SNX29: variants seen among roughly 807,000 people sequenced by gnomAD.
SNX29 encodes sorting nexin-29.
SNX29 carries 78 observed loss-of-function variants against 102.1 expected under a neutral mutation model. The observed-to-expected ratio is 0.76, with a 90% CI of 0.64 to 0.92. SNX29 has a LOEUF of 0.92. Among genes scored for constraint, SNX29 ranks in the 40% least tolerant of loss-of-function variants. The pLI is 0.00. For missense variants in SNX29, 1,280 were observed against 1,061.7 expected, an observed-to-expected ratio of 1.21 and a Z score of -2.86; for synonymous variants, 580 against 414.5, an observed-to-expected ratio of 1.40 and a Z score of -4.85.
intron 11 of SNX29, among the ~76,000 whole-genome samples, chr16:12,083,162 A>G (rs1261647374): frequency 6.6e-6 from 1 of 151,822 alleles, no homozygotes. Flanking sequence ...AAAAATTAGC[A>G]TGGTGTGGTG....
At chr16:12,543,612 G>GGCAGTGCC (rs2077445557) in intron 20 of SNX29, among the ~76,000 whole-genome samples, 1 of 151,984 alleles carries the variant, frequency 6.6e-6, no homozygotes, top group Non-Finnish European at 1.5e-5. Context: ...CGATGGAGTG[G>GGCAGTGCC]GCAGTGCCCC....
At chr16:12,261,097 G>C (rs9927118) in intron 14 of SNX29, among the ~76,000 whole-genome samples, 108,489 of 138,844 alleles carry the variant, frequency 0.78, 42,899 homozygotes, top group African/African-American at 0.93. Flanking sequence ...GTTTGCTGAG[G>C]TGGGATCTGT....
intron 17 of SNX29, among the ~76,000 whole-genome samples, 193 bp from the exon 18 acceptor site, chr16:12,403,230 GTGTGTGTGTGTGTGTGTGTGTGTGT>G (rs1567527877): frequency 6.7e-6 from 1 of 150,320 alleles, no homozygotes; most frequent in Non-Finnish European, 1.5e-5. Flanking sequence ...GTGTGTGTGT[GTGTGTGTGTGTGTGTGTGTGTGTGT>G]AGAGAGAGAC....
At chr16:12,429,304 C>T (rs12934884) in intron 18 of SNX29, among the ~76,000 whole-genome samples, 11,833 of 152,284 alleles carry the variant, frequency 0.078, 616 homozygotes, top group Non-Finnish European at 0.11. Context: ...ATTAATATCT[C>T]CTTGTAGTTA....
chr16:12,300,816 G>A (rs994344584), intron 15 of SNX29, among the ~76,000 whole-genome samples: 4 of 152,086 alleles, frequency 2.6e-5, no homozygotes, highest in African/African-American at 7.2e-5. Flanking sequence ...CATGTTGCAG[G>A]GTGTTTAGTG....
At chr16:12,155,674 C>G (rs7206824) in intron 13 of SNX29, among the ~76,000 whole-genome samples, 24,783 of 151,998 alleles carry the variant, frequency 0.16, 2,179 homozygotes, top group East Asian at 0.25. Flanking sequence ...GGTGGCATGC[C>G]GAGATGGAAA....
rs2057366779 is a variant in SNX29, at chr16:12,032,258, C to A, written c.247+4814C>A. Among the ~76,000 whole-genome samples the A allele has an allele frequency of 5.5e-5, 8 of 145,594 alleles. 1 individual carries two copies. In the South Asian group the frequency reaches 1.7e-3, roughly 31 times the overall value. ...CTCTGTTGCCCAGTTTGCTGGAGTA[C>A]AGTAAGTAGCGCTATCTCAGCTCAC... On this transcript the variant is annotated intron_variant, in intron 4 of 20. Transcript: ENST00000566228.
chr16:12,393,239 G>C (rs865949534), intron 16 of SNX29, among the ~76,000 whole-genome samples: 2 of 152,290 alleles, frequency 1.3e-5, no homozygotes, highest in South Asian at 4.2e-4. Flanking sequence ...GTAATTAGAA[G>C]AAAGAAATAA....
intron 16 of SNX29, among the ~76,000 whole-genome samples, chr16:12,379,297 T>G (rs1290858685): frequency 1.3e-5 from 2 of 152,190 alleles, no homozygotes; most frequent in Admixed American, 6.5e-5. Flanking sequence ...ATTAAAAATT[T>G]TTTTGTAGAG....
chr16:12,402,012 T>C (rs927490854), intron 17 of SNX29, among the ~76,000 whole-genome samples: 3 of 152,246 alleles, frequency 2.0e-5, no homozygotes, highest in African/African-American at 4.8e-5. Flanking sequence ...GTGCTACTTA[T>C]ATTTCTGCCT....
chr16:12,009,459 ATGTGTG>A lies in SNX29; in HGVS notation c.122+6432_122+6437del, dbSNP rs139936824. Among the ~76,000 whole-genome samples, 21 of 149,090 alleles carry A rather than the reference ATGTGTG, an allele frequency of 1.4e-4. No homozygotes were observed. In the South Asian group the frequency reaches 3.8e-3, roughly 27 times the overall value. On this transcript the variant is annotated intron_variant, in intron 3 of 20. Coordinates refer to ENST00000566228, the MANE Select transcript of SNX29 (RefSeq NM_032167.5). The stretch of plus-strand genomic sequence containing the variant: ...TATTTTTATATGTGTGTGTGTATAT[ATGTGTG>A]TGTGTGTGTGTGTGTATATATATAT...
intron 18 of SNX29, among the ~76,000 whole-genome samples, chr16:12,413,222 G>A (rs926924496): frequency 2.6e-5 from 4 of 152,188 alleles, no homozygotes; most frequent in Admixed American, 6.5e-5. Flanking sequence ...CATTACAAGT[G>A]TGGGGAATGT....
intron 14 of SNX29, among the ~76,000 whole-genome samples, chr16:12,265,812 C>T (rs2078912095): frequency 6.6e-6 from 1 of 151,554 alleles, no homozygotes; most frequent in African/African-American, 2.4e-5. Flanking sequence ...TCACCTGAGC[C>T]TGGGGAGGTC....
chr16:12,281,238 A>C (rs138354112), intron 15 of SNX29, among the ~76,000 whole-genome samples: 12 of 152,320 alleles, frequency 7.9e-5, no homozygotes, highest in African/African-American at 2.9e-4. Context: ...TAATAAGGAT[A>C]TTTGGAACAC....
At chr16:12,442,990 T>A in intron 18 of SNX29, 1 of 456,002 alleles carries the variant, frequency 2.2e-6, no homozygotes, top group Non-Finnish European at 4.4e-6. Context: ...TTGATTTTTT[T>A]CCAGCTATTT....
intron 20 of SNX29, among the ~76,000 whole-genome samples, chr16:12,547,355 C>T (rs532911892): frequency 1.3e-5 from 2 of 152,212 alleles, no homozygotes; most frequent in South Asian, 2.1e-4. Context: ...CTCTAGCTGC[C>T]ATGTGGAGTC....
chr16:12,249,192 C>T (rs2142367265), intron 14 of SNX29, among the ~76,000 whole-genome samples: 1 of 152,282 alleles, frequency 6.6e-6, no homozygotes, highest in South Asian at 2.1e-4. Context: ...TGTCTGAGGC[C>T]TCAGCTCATG....
intron 14 of SNX29, among the ~76,000 whole-genome samples, chr16:12,202,896 C>G (rs774769719): frequency 6.6e-6 from 1 of 152,278 alleles, no homozygotes; most frequent in Non-Finnish European, 1.5e-5. Flanking sequence ...ACAAGACTGG[C>G]TCATTAGGAG....
chr16:12,119,233 A>G (rs1047110937), intron 11 of SNX29, among the ~76,000 whole-genome samples: 4 of 152,144 alleles, frequency 2.6e-5, no homozygotes, highest in Non-Finnish European at 5.9e-5. Context: ...CTCTCGTCCC[A>G]CTGTACCCTG....
Sources: allele counts gnomAD v4.1 joint callset (sites outside exome capture counted in the v4.1 genomes callset), GRCh38; gene constraint gnomAD v4.1.1; transcripts MANE v1.5; gene names NCBI Gene and HGNC (gene_info 2026-07-23, HGNC 2026-07-21).